Variants in SLC22A15 observed in about 807,000 individuals in gnomAD.
SLC22A15 encodes flipt 1.
A neutral mutation model predicts 62.7 loss-of-function variants in SLC22A15; 45 were observed. The ratio of observed to expected loss-of-function variants is 0.72; its 90% CI spans 0.56 to 0.92. SLC22A15 has a LOEUF of 0.92. SLC22A15 is among the 40% of genes least tolerant of loss of function. The probability of loss-of-function intolerance (pLI) is 0.00; values close to 1 mark genes in which losing one functional copy is unlikely to be tolerated. For synonymous variants in SLC22A15, 264 were observed against 267.0 expected (o/e 0.99, Z 0.11); for missense variants, 622 against 665.6 (o/e 0.93, Z 0.72).
chr1:116,057,633 A>G (rs1434891774), intron 8 of SLC22A15, among the ~76,000 whole-genome samples: 1 of 152,204 alleles, frequency 6.6e-6, no homozygotes, highest in Non-Finnish European at 1.5e-5. Context: ...CACTATTCAC[A>G]ATAGCAAAGA....
At chr1:116,042,461 A>G (rs1044803462) in intron 8 of SLC22A15, among the ~76,000 whole-genome samples, 1 of 152,156 alleles carries the variant, frequency 6.6e-6, no homozygotes, top group African/African-American at 2.4e-5. Context: ...AAACAAAAAA[A>G]TTGAATAAAA....
chr1:116,008,181 A>T (rs1656078415), intron 2 of SLC22A15, among the ~76,000 whole-genome samples: 1 of 152,134 alleles, frequency 6.6e-6, no homozygotes, highest in African/African-American at 2.4e-5. Context: ...GAGGCACAAA[A>T]TATAATTTTA....
At chr1:116,031,697 T>C in intron 6 of SLC22A15, 116 bp downstream of exon 6, 1 of 1,492,626 alleles carries the variant, frequency 6.7e-7, no homozygotes, top group Non-Finnish European at 8.9e-7. Flanking sequence ...TAGCTTGAGG[T>C]TGTTTTCTCA....
At chr1:116,043,522 AAG>A (rs1223105250) in intron 8 of SLC22A15, among the ~76,000 whole-genome samples, 4 of 152,196 alleles carry the variant, frequency 2.6e-5, no homozygotes, top group African/African-American at 9.7e-5. Flanking sequence ...ATCAGAAAAA[AAG>A]AAAGTTTTCA....
At chr1:116,033,909 AG>A (rs1657536289) in intron 6 of SLC22A15, among the ~76,000 whole-genome samples, 1 of 152,102 alleles carries the variant, frequency 6.6e-6, no homozygotes, top group South Asian at 2.1e-4. Context: ...CTCATTTGCT[AG>A]GGAGGGCTGG....
intron 5 of SLC22A15, among the ~76,000 whole-genome samples, chr1:116,028,890 G>A (rs983829933): frequency 5.3e-5 from 8 of 152,028 alleles, no homozygotes; most frequent in East Asian, 1.9e-4. Flanking sequence ...CTCAAATGCC[G>A]TCCACCCCAT....
chr1:116,064,434 A>G lies in SLC22A15; in HGVS notation c.1293-2A>G, dbSNP rs748592358. ...TGATGTATTTTTACTTATGCTTTTC[A>G]GGAATGTTGGGCTTGGAACTTGTTC... On this transcript the variant is annotated splice_acceptor_variant, in intron 9 of 11. Coordinates refer to ENST00000369503, the MANE Select transcript of SLC22A15 (RefSeq NM_018420.3). LOFTEE classifies it high-confidence loss of function. 1 of 1,611,588 alleles carries G rather than the reference A, an allele frequency of 6.2e-7. No individual in the cohort carries two copies. The highest frequency in any genetic ancestry group is 8.5e-7 in the Non-Finnish European group (1 of 1,177,856).
chr1:115,989,252 A>T (rs1423946482), intron 1 of SLC22A15, among the ~76,000 whole-genome samples: 1 of 152,156 alleles, frequency 6.6e-6, no homozygotes, highest in Non-Finnish European at 1.5e-5. Flanking sequence ...TGCTAGAAAG[A>T]AAACTGGTTA....
chr1:116,057,483 G>A (rs1300204739), intron 8 of SLC22A15, among the ~76,000 whole-genome samples: 4 of 152,244 alleles, frequency 2.6e-5, no homozygotes, highest in East Asian at 3.9e-4. Flanking sequence ...TTCAACCATT[G>A]TGGAAGTCAG....
chr1:116,055,160 A>C (rs1354881977), intron 8 of SLC22A15, among the ~76,000 whole-genome samples: 3 of 150,242 alleles, frequency 2.0e-5, no homozygotes, highest in Non-Finnish European at 3.0e-5. Context: ...ACCGCTAGCA[A>C]GACTAATAAA....
intron 1 of SLC22A15, among the ~76,000 whole-genome samples, chr1:115,985,837 C>G (rs1016830478): frequency 6.6e-6 from 1 of 150,842 alleles, no homozygotes; most frequent in Non-Finnish European, 1.5e-5. Flanking sequence ...ATCCCAGCTA[C>G]TCGGGAGGCT....
rs550681808 is a variant in SLC22A15, at chr1:115,978,470, A to G, written c.87+1756A>G. Among the ~76,000 whole-genome samples the G allele has an allele frequency of 3.9e-5, 6 of 152,334 alleles. No homozygotes were observed. The East Asian group carries it at 1.2e-3, about 29-fold the overall frequency. On this transcript the variant is annotated intron_variant, in intron 1 of 11. Transcript: ENST00000369503. ...GGTCAGTATTTGCGGTACAAGGACC[A>G]GGTCTTAGAGTGTTGGGGATGAGTG...
chr1:116,031,407 G>T lies in SLC22A15; in HGVS notation c.770G>T (p.Arg257Leu), dbSNP rs767277983. ...CCTCGTTGGTTATACTCCCAGGGTC[G>T]ACTGAGTGAGGCTGAAGAGGCGCTG... ...ESPRWLYSQG[R>L]LSEAEEALYL... is the part of the protein sequence containing the mutation. Residue 257 changes from arginine (R) to leucine (L), a missense_variant, in exon 6 of 12, where the codon CGA (arginine) becomes CTA (leucine). Physicochemically the swap from Arg to Leu is moderately radical, Grantham distance 102 (BLOSUM62 -2). Transcript: ENST00000369503. The T allele has an allele frequency of 5.0e-6, 8 of 1,613,612 alleles. No individual in the cohort carries two copies. The highest frequency in any genetic ancestry group is 1.3e-5 in the African/African-American group (1 of 74,880).
intron 1 of SLC22A15, among the ~76,000 whole-genome samples, chr1:115,988,120 C>T (rs2101075312): frequency 6.6e-6 from 1 of 152,334 alleles, no homozygotes; most frequent in Middle Eastern, 3.4e-3. Context: ...ATCCAGCCAT[C>T]TGTGGCACTT....
intron 8 of SLC22A15, among the ~76,000 whole-genome samples, chr1:116,052,579 T>C (rs1484215151): frequency 6.6e-6 from 1 of 152,162 alleles, no homozygotes; most frequent in African/African-American, 2.4e-5. Context: ...CAGCTGGAGA[T>C]CTGAGAACAG....
intron 2 of SLC22A15, among the ~76,000 whole-genome samples, chr1:116,004,132 T>C (rs910364765): frequency 6.6e-6 from 1 of 152,212 alleles, no homozygotes; most frequent in Non-Finnish European, 1.5e-5. Context: ...TCAGTTTTAG[T>C]TGGTCAGAGA....
intron 8 of SLC22A15, among the ~76,000 whole-genome samples, chr1:116,042,926 C>A (rs1657829355): frequency 1.3e-5 from 2 of 152,216 alleles, no homozygotes; most frequent in South Asian, 4.1e-4. Flanking sequence ...GGCCATAAAA[C>A]AAGTTTCAAT....
At chr1:116,066,852 A>G in intron 11 of SLC22A15, 144 bp downstream of exon 11, 1 of 993,552 alleles carries the variant, frequency 1.0e-6, no homozygotes, top group Non-Finnish European at 1.5e-6. Context: ...TCAGAGAAAT[A>G]AGGATGATCG....
chr1:115,990,286 TGAC>T (rs1417569569), intron 1 of SLC22A15, among the ~76,000 whole-genome samples: 6 of 152,212 alleles, frequency 3.9e-5, no homozygotes, highest in Non-Finnish European at 7.3e-5. Flanking sequence ...TTAGAAAACA[TGAC>T]GAGTTTGCTT....
Sources: allele counts gnomAD v4.1 joint callset (sites outside exome capture counted in the v4.1 genomes callset), GRCh38; gene constraint gnomAD v4.1.1; transcripts MANE v1.5; gene names NCBI Gene and HGNC (gene_info 2026-07-23, HGNC 2026-07-21).